Variants in CAMTA2 observed in about 807,000 individuals in gnomAD.
CAMTA2 encodes calmodulin binding transcription activator 2, also known as calmodulin-binding transcription activator 2.
A neutral mutation model predicts 135.7 loss-of-function variants in CAMTA2; 56 were observed. The ratio of observed to expected loss-of-function variants is 0.41; its 90% CI spans 0.33 to 0.52. CAMTA2 has a LOEUF of 0.52. CAMTA2 is among the 20% of genes least tolerant of loss of function. The pLI is 0.16. For missense variants in CAMTA2, 1,358 were observed against 1,553.4 expected (o/e 0.87, Z 2.11); for synonymous variants, 591 against 604.6 (o/e 0.98, Z 0.33).
Position 4,968,999 on chromosome 17 carries a change from A to G in CAMTA2, c.3471-18T>C. The stretch of plus-strand genomic sequence containing the variant: ...AGGAGCCTCTGGTGAAAGAAACAAA[A>G]GATGGACCTCACAGAAGGCATCGCA... On this transcript the variant is annotated intron_variant, in intron 21 of 22. Transcript: ENST00000348066. 4 of 1,613,378 alleles carry G rather than the reference A, an allele frequency of 2.5e-6. No individual in the cohort carries two copies. Among genetic ancestry groups the G allele is most frequent in the Non-Finnish European group, 3.4e-6 (4 of 1,179,596 alleles).
chr17:4,978,391 G>C (rs746278529), intron 10 of CAMTA2, 113 bp downstream of exon 10: 6 of 1,164,866 alleles, frequency 5.2e-6, no homozygotes, highest in Non-Finnish European at 7.3e-6. Context: ...TGAAGTCCTT[G>C]TGCTCTCAAA....
intron 17 of CAMTA2, 70 bp from the exon 18 acceptor site, chr17:4,970,155 AC>A: frequency 1.4e-6 from 2 of 1,481,304 alleles, no homozygotes; most frequent in Non-Finnish European, 1.9e-6. Flanking sequence ...ATGGATGGCT[AC>A]GAAGGAAAAC....
rs1176212818 is a variant in CAMTA2 at position 4,986,208 on chromosome 17, G to A, written c.15C>T (p.Asp5=). The change falls in exon 2 of 23, where the codon GAC becomes GAT. Residue 5 remains aspartate, a synonymous_variant. Coordinates refer to ENST00000348066, the MANE Select transcript of CAMTA2 (RefSeq NM_015099.4). MNTK[D]TTEVAENSHH... ...TGAACTTACCAGCAACCTCGGTGGTGTCCTTGGTATTCATGGTGAGGGCTC... is the reference window on the plus strand; with the variant it reads ...TGAACTTACCAGCAACCTCGGTGGTATCCTTGGTATTCATGGTGAGGGCTC... 1 of 1,604,762 alleles carries A rather than the reference G, an allele frequency of 6.2e-7. No individual in the cohort carries two copies. The highest frequency in any genetic ancestry group is 1.7e-5 in the Admixed American group (1 of 60,008).
chr17:4,970,698 A>T (rs1480827265), intron 16 of CAMTA2, among the ~76,000 whole-genome samples, 162 bp from the exon 17 acceptor site: 1 of 152,174 alleles, frequency 6.6e-6, no homozygotes, highest in Non-Finnish European at 1.5e-5. Flanking sequence ...TGGGGCTCCC[A>T]CTTGGGGGTC....
intron 3 of CAMTA2, 31 bp downstream of exon 3, chr17:4,985,849 T>G: frequency 6.8e-7 from 1 of 1,468,538 alleles, no homozygotes; most frequent in South Asian, 1.1e-5. Context: ...TAGGTCTTGC[T>G]GGGCCCCAAC....
chr17:4,971,896 C>A (rs932592262), intron 16 of CAMTA2, among the ~76,000 whole-genome samples: 1 of 152,046 alleles, frequency 6.6e-6, no homozygotes, highest in Non-Finnish European at 1.5e-5. Flanking sequence ...GCCATGTTGC[C>A]CAGGCTGGTC....
In CAMTA2 at chr17:4,969,176, A is replaced by G; in HGVS notation, c.3444T>C (p.Thr1148=). The part of the protein sequence containing the change: ...YRRRPGPPHR[T]SATLPARNKG... ...TGTTGCGGGCAGGCAGGGTGGCCGAAGTCCGGTGGGGAGGGCCGGGCCTGC... is the reference window on the plus strand; with the variant it reads ...TGTTGCGGGCAGGCAGGGTGGCCGAGGTCCGGTGGGGAGGGCCGGGCCTGC... Residue 1148 remains threonine (T), a synonymous_variant, in exon 21 of 23, where the codon ACT becomes ACC. Coordinates refer to ENST00000348066, the MANE Select transcript of CAMTA2 (RefSeq NM_015099.4). The surrounding 1 kb of genome is among the most constrained non-coding windows in gnomAD (Gnocchi z 5.6). The G allele has an allele frequency of 1.2e-6, 2 of 1,609,750 alleles. No individual in the cohort carries two copies. Among genetic ancestry groups the G allele is most frequent in the South Asian group, 2.2e-5 (2 of 90,888 alleles).
At position 4,969,200 on chromosome 17, in the gene CAMTA2, G is replaced by C. The variant is rs759282612; in HGVS notation, c.3420C>G (p.Arg1140=). The change falls in exon 21 of 23, where the codon CGC becomes CGG. Residue 1140 remains arginine (R), a synonymous_variant. Transcript: ENST00000348066. The surrounding 1 kb of genome is among the most constrained non-coding windows in gnomAD (Gnocchi z 5.6). ...AAGTCCGGTGGGGAGGGCCGGGCCT[G>C]CGGCGGTAGGAGCGGTAGTGCTGCT... The part of the protein sequence containing the change: ...LIQQHYRSYR[R]RPGPPHRTSA... The C allele has an allele frequency of 6.2e-7, 1 of 1,612,114 alleles. No individual in the cohort carries two copies. The highest frequency in any genetic ancestry group is 8.5e-7 in the Non-Finnish European group (1 of 1,179,838).
chr17:4,975,441 A>C (rs2151174692), intron 11 of CAMTA2, among the ~76,000 whole-genome samples: 1 of 152,314 alleles, frequency 6.6e-6, no homozygotes, highest in South Asian at 2.1e-4. Flanking sequence ...ATATTGGTTC[A>C]AGAAGAAATG....
chr17:4,972,525 C>T lies in CAMTA2; in HGVS notation c.2515G>A (p.Val839Ile), dbSNP rs779739977. The T allele has an allele frequency of 2.0e-5, 32 of 1,604,384 alleles. No individual in the cohort carries two copies. Among genetic ancestry groups the T allele is most frequent in the Middle Eastern group, 3.4e-4 (2 of 5,896 alleles). ...SSSPDTGLSS[V>I]SSPSELSDGT... is the part of the protein sequence containing the mutation. ...TCCGACAGCTCCGAGGGCGAGGAGA[C>T]GCTGCTCAGACCTGTGTGGGGAGGG... The change falls in exon 16 of 23, where the codon GTC becomes ATC. Residue 839 changes from valine to isoleucine, a missense_variant. Physicochemically the swap from Val to Ile is conservative, Grantham distance 29. This residue lies in a region of CAMTA2 where 1,077 missense variants were observed against 1,127.5 expected (regional missense o/e 0.96). Coordinates refer to ENST00000348066, the MANE Select transcript of CAMTA2 (RefSeq NM_015099.4).
intron 11 of CAMTA2, 141 bp from the exon 12 acceptor site, chr17:4,974,641 C>T (rs867289236): frequency 1.6e-6 from 1 of 611,520 alleles, no homozygotes; most frequent in African/African-American, 1.8e-5. Flanking sequence ...GCTCCTTTAC[C>T]CCTTCACCTA....
At chr17:4,972,587 C>T (rs760773312) in intron 15 of CAMTA2, 51 bp from the exon 16 acceptor site, 8 of 1,561,320 alleles carry the variant, frequency 5.1e-6, no homozygotes, top group East Asian at 4.6e-5. Flanking sequence ...GGCCATCCCT[C>T]GCTCAAGTCT....
intron 1 of CAMTA2, chr17:4,987,375 G>A (rs1973422520): frequency 2.2e-6 from 3 of 1,360,818 alleles, no homozygotes; most frequent in Non-Finnish European, 2.8e-6. Flanking sequence ...TGCCGGGTGC[G>A]GGGGTCTCCG....
At chr17:4,974,807 C>A in intron 11 of CAMTA2, 1 of 266,806 alleles carries the variant, frequency 3.7e-6, no homozygotes, top group East Asian at 1.1e-4. Context: ...CAAATCCCAC[C>A]CGTACACACT....
intron 1 of CAMTA2, chr17:4,986,716 G>A (rs765943796): frequency 4.0e-4 from 223 of 553,446 alleles, no homozygotes; most frequent in Admixed American, 5.5e-4. Context: ...TAGAAGCTAG[G>A]CCTTTAGAAG....
rs1972054593 is a variant in CAMTA2 at position 4,968,638 on chromosome 17, G to A, written c.*118C>T. On this transcript the variant is annotated 3_prime_UTR_variant, in exon 23 of 23. Coordinates refer to ENST00000348066, the MANE Select transcript of CAMTA2 (RefSeq NM_015099.4). ...GGAGGAGGGAGGAGGCCTACAGAGGGCTCCAACAAAGGTGAACAGGAAAGC... is the reference window on the plus strand; with the variant it reads ...GGAGGAGGGAGGAGGCCTACAGAGGACTCCAACAAAGGTGAACAGGAAAGC... 6 of 1,104,880 alleles carry A rather than the reference G, an allele frequency of 5.4e-6. No homozygotes were observed. The highest frequency in any genetic ancestry group is 2.5e-5 in the East Asian group (1 of 40,522). 68.4% of individuals were successfully genotyped at this position (1,104,880 alleles called of 1,614,324 possible). A position where few individuals can be genotyped will look rare whatever the true frequency, so the allele number is the denominator to read the frequency against.
rs1259906579 is a variant in CAMTA2, at chr17:4,970,609, C to G, written c.2809-73G>C. The G allele has an allele frequency of 5.6e-6, 7 of 1,250,322 alleles. No individual in the cohort carries two copies. The South Asian group carries it at 7.4e-5, about 13-fold the overall frequency. The allele number at this position is 1,250,322 out of a possible 1,614,324, so 77.5% of individuals were successfully genotyped here. A position where few individuals can be genotyped will look rare whatever the true frequency, so the allele number is the denominator to read the frequency against. On this transcript the variant is annotated intron_variant, in intron 16 of 22. Transcript: ENST00000348066. ...AGCTGTAACCTCAGTCCATTCCTAT[C>G]TTGTTCCTTCTCTCCCTGCCAGGTG... is the stretch of plus-strand genomic sequence containing the variant.
intron 12 of CAMTA2, chr17:4,974,142 C>G: frequency 5.4e-6 from 3 of 553,888 alleles, no homozygotes; most frequent in Non-Finnish European, 6.5e-6. Context: ...CCCGCCCTCT[C>G]CTTCACCTCC....
intron 9 of CAMTA2, 108 bp downstream of exon 9, chr17:4,979,576 C>G (rs1972833334): frequency 6.7e-6 from 4 of 599,808 alleles, no homozygotes; most frequent in Admixed American, 5.8e-5. Context: ...GCCATGAAAA[C>G]TGAGGGAAAC....
Sources: gnomAD v4.1 joint callset for allele counts (sites outside exome capture counted in the v4.1 genomes callset) on GRCh38, gnomAD v4.1.1 for gene constraint, gnomAD v4.1.1 regional missense constraint, Gnocchi (gnomAD v3.1) non-coding constraint, MANE v1.5 for transcripts, NCBI Gene and HGNC (gene_info 2026-07-23, HGNC 2026-07-21) for gene names.